Variants in GNAZ observed in about 807,000 individuals in gnomAD.
GNAZ encodes the protein G protein subunit alpha z, also known as guanine nucleotide-binding protein G(z) subunit alpha.
In GNAZ, 3 loss-of-function variants were observed where a neutral mutation model predicts 25.4. That is an observed-to-expected ratio of 0.12 (90% CI 0.05 to 0.30). The LOEUF (loss-of-function observed/expected upper bound fraction) is 0.30, where lower values mean the gene tolerates loss of function less well. Among genes scored for constraint, GNAZ ranks in the 10% least tolerant of loss-of-function variants. The probability of loss-of-function intolerance (pLI) is 1.00; values close to 1 mark genes in which losing one functional copy is unlikely to be tolerated. For synonymous variants in GNAZ, 211 were observed against 205.7 expected (o/e 1.03, Z -0.22); for missense variants, 241 against 501.8 (o/e 0.48, Z 4.97).
intron 1 of GNAZ, among the ~76,000 whole-genome samples, chr22:23,089,977 G>A (rs1239206097): frequency 6.6e-6 from 1 of 152,260 alleles, no homozygotes; most frequent in East Asian, 1.9e-4. Context: ...CCAGCATGTC[G>A]AACCTGGTGC....
chr22:23,120,628 C>G (rs1484830544), intron 2 of GNAZ, among the ~76,000 whole-genome samples: 1 of 152,156 alleles, frequency 6.6e-6, no homozygotes, highest in Non-Finnish European at 1.5e-5. Context: ...CTCAGAGAGG[C>G]AGACCCAGGC....
intron 2 of GNAZ, among the ~76,000 whole-genome samples, chr22:23,106,902 C>T (rs532166496): frequency 6.6e-6 from 1 of 152,318 alleles, no homozygotes; most frequent in East Asian, 1.9e-4. Flanking sequence ...CCACCCTTGC[C>T]ATTACTACGG....
intron 2 of GNAZ, among the ~76,000 whole-genome samples, chr22:23,115,782 C>T (rs1252581108): frequency 1.3e-5 from 2 of 152,238 alleles, no homozygotes; most frequent in Non-Finnish European, 2.9e-5. Flanking sequence ...ATTTTCTAAA[C>T]CTCAGTTTAT....
intron 2 of GNAZ, among the ~76,000 whole-genome samples, chr22:23,116,837 A>G (rs2069852405): frequency 6.6e-6 from 1 of 151,988 alleles, no homozygotes; most frequent in Non-Finnish European, 1.5e-5. Flanking sequence ...GCTAACTCCA[A>G]AAACAGGCCC....
intron 2 of GNAZ, among the ~76,000 whole-genome samples, chr22:23,100,952 G>T (rs1360331755): frequency 6.6e-6 from 1 of 152,218 alleles, no homozygotes; most frequent in African/African-American, 2.4e-5. Flanking sequence ...CAAAAAGGGT[G>T]CTTGTTTTAG....
chr22:23,109,226 A>G (rs1162478544), intron 2 of GNAZ, among the ~76,000 whole-genome samples: 1 of 152,182 alleles, frequency 6.6e-6, no homozygotes, highest in Non-Finnish European at 1.5e-5. Flanking sequence ...GAGTTCAAGG[A>G]GAACCAAGGC....
intron 2 of GNAZ, among the ~76,000 whole-genome samples, chr22:23,120,617 G>C (rs2069989923): frequency 6.6e-6 from 1 of 152,082 alleles, no homozygotes; most frequent in Non-Finnish European, 1.5e-5. Context: ...ACCCATCAGG[G>C]CTCAGAGAGG....
intron 2 of GNAZ, among the ~76,000 whole-genome samples, chr22:23,120,049 C>G (rs942428779): frequency 3.3e-5 from 5 of 152,180 alleles, no homozygotes; most frequent in Non-Finnish European, 7.3e-5. Flanking sequence ...AGATGTTTGT[C>G]TGTCCTGATG....
chr22:23,097,038 G>A (rs1439651061), intron 2 of GNAZ, among the ~76,000 whole-genome samples: 1 of 152,186 alleles, frequency 6.6e-6, no homozygotes, highest in Non-Finnish European at 1.5e-5. Flanking sequence ...AGAAGGTCTA[G>A]CACACGAAGG....
At chr22:23,109,811 C>T (rs2069594930) in intron 2 of GNAZ, among the ~76,000 whole-genome samples, 1 of 152,212 alleles carries the variant, frequency 6.6e-6, no homozygotes, top group African/African-American at 2.4e-5. Flanking sequence ...CAAGAGAAGG[C>T]TCAGAGCATA....
At chr22:23,114,895 C>T (rs1285598824) in intron 2 of GNAZ, among the ~76,000 whole-genome samples, 2 of 152,128 alleles carry the variant, frequency 1.3e-5, no homozygotes, top group African/African-American at 4.8e-5. Context: ...GAGCCTCTGC[C>T]CAGGGAGGTG....
chr22:23,089,706 G>A (rs1403933007), intron 1 of GNAZ, among the ~76,000 whole-genome samples: 1 of 152,200 alleles, frequency 6.6e-6, no homozygotes, highest in East Asian at 1.9e-4. Flanking sequence ...GGGTCTTGAG[G>A]GGGATGTCCA....
At chr22:23,098,805 G>A (rs753251973) in intron 2 of GNAZ, among the ~76,000 whole-genome samples, 30 of 152,260 alleles carry the variant, frequency 2.0e-4, no homozygotes, top group African/African-American at 5.3e-4. Context: ...GGCTGGCCCC[G>A]GAGGTGAGCT....
intron 1 of GNAZ, among the ~76,000 whole-genome samples, chr22:23,072,088 A>T (rs1442281713): frequency 6.6e-6 from 1 of 151,954 alleles, no homozygotes; most frequent in Non-Finnish European, 1.5e-5. Flanking sequence ...AGCTTTAAAG[A>T]CTGGGGAAGG....
Position 23,123,328 on chromosome 22 carries a change from C to T in GNAZ, c.965C>T (p.Ser322Phe). The T allele has an allele frequency of 6.2e-7, 1 of 1,613,954 alleles. No homozygotes were observed. The highest frequency in any genetic ancestry group is 8.5e-7 in the Non-Finnish European group (1 of 1,179,924). The change falls in exon 3 of 3, where the codon TCC becomes TTC. Residue 322 changes from serine to phenylalanine, a missense_variant. Ser to Phe is a radical substitution (Grantham distance 155, BLOSUM62 -2). Coordinates refer to ENST00000615612, the MANE Select transcript of GNAZ (RefSeq NM_002073.4). ...AACAAGGAGACCAAGGAGATCTACT[C>T]CCACTTCACCTGCGCCACCGACACC... ...NRNKETKEIY[S>F]HFTCATDTSN...
chr22:23,083,260 G>A (rs1325394582), intron 1 of GNAZ, among the ~76,000 whole-genome samples: 3 of 152,092 alleles, frequency 2.0e-5, no homozygotes, highest in Admixed American at 6.5e-5. Context: ...AGTAGGGGAG[G>A]GTAGACCCAG....
At chr22:23,102,357 G>A (rs1179523192) in intron 2 of GNAZ, among the ~76,000 whole-genome samples, 1 of 152,206 alleles carries the variant, frequency 6.6e-6, no homozygotes, top group Non-Finnish European at 1.5e-5. Context: ...CCTATTTGAG[G>A]CCCTTGCTAG....
At chr22:23,076,164 G>C (rs2068501522) in intron 1 of GNAZ, among the ~76,000 whole-genome samples, 1 of 152,202 alleles carries the variant, frequency 6.6e-6, no homozygotes, top group African/African-American at 2.4e-5. Flanking sequence ...ATGTAGAACA[G>C]CGCCATGTTC....
At chr22:23,092,056 TG>T (rs2068995619) in intron 1 of GNAZ, among the ~76,000 whole-genome samples, 1 of 152,144 alleles carries the variant, frequency 6.6e-6, no homozygotes, top group Non-Finnish European at 1.5e-5. Context: ...GGCACTGTGG[TG>T]GGGGGTCCTG....
Sources: allele counts gnomAD v4.1 joint callset (sites outside exome capture counted in the v4.1 genomes callset), GRCh38; gene constraint gnomAD v4.1.1; transcripts MANE v1.5; gene names NCBI Gene and HGNC (gene_info 2026-07-23, HGNC 2026-07-21).